KCNK13: variants seen among roughly 807,000 people sequenced by gnomAD.
KCNK13 encodes potassium two pore domain channel subfamily K member 13.
KCNK13 carries 12 observed loss-of-function variants against 23.4 expected under a neutral mutation model. The ratio of observed to expected loss-of-function variants is 0.51; its 90% CI spans 0.33 to 0.83. KCNK13 has a LOEUF of 0.83. KCNK13 is among the 40% of genes least tolerant of loss of function. The probability of loss-of-function intolerance (pLI) is 0.02; values close to 1 mark genes in which losing one functional copy is unlikely to be tolerated. For missense variants in KCNK13, 463 were observed against 556.3 expected (o/e 0.83, Z 1.69); for synonymous variants, 231 against 229.5 (o/e 1.01, Z -0.06).
At chr14:90,134,355 C>T (rs78440417) in intron 1 of KCNK13, among the ~76,000 whole-genome samples, 3 of 152,250 alleles carry the variant, frequency 2.0e-5, no homozygotes, top group Admixed American at 1.3e-4. Flanking sequence ...TTTTCTTGTA[C>T]GCAGAGGTAA....
chr14:90,088,090 C>G (rs1282676189), intron 1 of KCNK13, among the ~76,000 whole-genome samples: 2 of 152,132 alleles, frequency 1.3e-5, no homozygotes, highest in African/African-American at 4.8e-5. Flanking sequence ...GCAACCTCCA[C>G]CTCCTGGGTT....
intron 1 of KCNK13, among the ~76,000 whole-genome samples, chr14:90,078,440 A>G (rs1014525497): frequency 6.6e-6 from 1 of 151,550 alleles, no homozygotes; most frequent in Non-Finnish European, 1.5e-5. Context: ...AGAAAGAAAA[A>G]AAAGAAAGAG....
intron 1 of KCNK13, among the ~76,000 whole-genome samples, chr14:90,166,160 C>A (rs576835937): frequency 4.7e-4 from 72 of 152,304 alleles, no homozygotes; most frequent in African/African-American, 1.7e-3. Flanking sequence ...TTAATCTGTG[C>A]TACATTCATA....
chr14:90,168,524 C>T (rs1203089152), intron 1 of KCNK13, among the ~76,000 whole-genome samples: 2 of 152,124 alleles, frequency 1.3e-5, no homozygotes, highest in Admixed American at 1.3e-4. Flanking sequence ...CACTGTCTAC[C>T]CCAGTGCCAT....
At position 90,062,554 on chromosome 14, in the gene KCNK13, C is replaced by G. The variant is rs372299531; in HGVS notation, c.334+15C>G. The G allele has an allele frequency of 1.4e-6, 2 of 1,446,254 alleles. No individual in the cohort carries two copies. Among genetic ancestry groups the G allele is most frequent in the Non-Finnish European group, 9.1e-7 (1 of 1,095,110 alleles). 89.6% of individuals were successfully genotyped at this position (1,446,254 alleles called of 1,614,324 possible). On this transcript the variant is annotated intron_variant, in intron 1 of 1. Transcript: ENST00000282146. This position sits in a 1 kb window ranked among gnomAD's most constrained non-coding sequence, Gnocchi z 4.5. ...TTCCACCATAGGTAAGTGTGCTGGCCGGACTCGCTGACAACCTCCGGGCGG... is the reference window on the plus strand; with the variant it reads ...TTCCACCATAGGTAAGTGTGCTGGCGGGACTCGCTGACAACCTCCGGGCGG...
At chr14:90,097,337 A>G (rs2063843855) in intron 1 of KCNK13, among the ~76,000 whole-genome samples, 2 of 152,166 alleles carry the variant, frequency 1.3e-5, no homozygotes, top group Non-Finnish European at 2.9e-5. Context: ...GCAGACAGGC[A>G]TGAACCCCAG....
chr14:90,116,846 G>A (rs1009786876), intron 1 of KCNK13, among the ~76,000 whole-genome samples: 2 of 152,072 alleles, frequency 1.3e-5, no homozygotes, highest in African/African-American at 4.8e-5. Context: ...TTTAATTGAG[G>A]TGAAATGTGC....
chr14:90,095,795 G>A (rs997373786), intron 1 of KCNK13, among the ~76,000 whole-genome samples: 1 of 152,142 alleles, frequency 6.6e-6, no homozygotes, highest in African/African-American at 2.4e-5. Context: ...TGGAGATCGA[G>A]TCAGATCTCA....
chr14:90,117,569 G>A (rs368687768), intron 1 of KCNK13, among the ~76,000 whole-genome samples: 4 of 151,958 alleles, frequency 2.6e-5, no homozygotes, highest in African/African-American at 4.8e-5. Context: ...CAGCCTGGGC[G>A]AGACAGAGCG....
In KCNK13 at chr14:90,072,828, T is replaced by C. The variant is rs146117989; in HGVS notation, c.334+10289T>C. Among the ~76,000 whole-genome samples, 315 of 152,244 alleles carry C rather than the reference T, an allele frequency of 2.1e-3. 1 individual carries two copies. Among genetic ancestry groups the C allele is most frequent in the African/African-American group, 6.1e-3 (255 of 41,544 alleles). On this transcript the variant is annotated intron_variant, in intron 1 of 1. Coordinates refer to ENST00000282146, the MANE Select transcript of KCNK13 (RefSeq NM_022054.4). ...GAATGGTTTAACTATCCTCAAAGAG[T>C]TGGACTTGGGGTTATATGTGATTTT...
At chr14:90,145,302 A>G (rs1260247498) in intron 1 of KCNK13, among the ~76,000 whole-genome samples, 1 of 151,878 alleles carries the variant, frequency 6.6e-6, no homozygotes, top group Non-Finnish European at 1.5e-5. Flanking sequence ...CTGAGGTGGG[A>G]GGATCACCTG....
intron 1 of KCNK13, among the ~76,000 whole-genome samples, chr14:90,134,183 TCCAGC>T (rs148993041): frequency 0.099 from 15,004 of 152,154 alleles, 1,040 homozygotes; most frequent in Admixed American, 0.24. Flanking sequence ...GCCTCTGCAC[TCCAGC>T]CTGAGCAACA....
chr14:90,090,032 G>A (rs1388711070), intron 1 of KCNK13, among the ~76,000 whole-genome samples: 4 of 152,224 alleles, frequency 2.6e-5, no homozygotes, highest in Non-Finnish European at 2.9e-5. Context: ...GAAGTGTGGG[G>A]TTGTAGCCCC....
At chr14:90,163,037 A>G (rs1326578248) in intron 1 of KCNK13, among the ~76,000 whole-genome samples, 1 of 152,242 alleles carries the variant, frequency 6.6e-6, no homozygotes, top group African/African-American at 2.4e-5. Context: ...TAGGCAATGA[A>G]GCAGAAACTG....
intron 1 of KCNK13, among the ~76,000 whole-genome samples, chr14:90,117,180 T>C (rs541225796): frequency 1.3e-5 from 2 of 152,292 alleles, no homozygotes; most frequent in South Asian, 2.1e-4. Flanking sequence ...TGGTTACTCA[T>C]TGACTCAGGG....
intron 1 of KCNK13, among the ~76,000 whole-genome samples, chr14:90,181,013 C>T (rs896574671): frequency 2.6e-5 from 4 of 152,178 alleles, no homozygotes; most frequent in Admixed American, 2.0e-4. Flanking sequence ...CATGCCACCA[C>T]GCCCAGCTAA....
chr14:90,184,331 C>T lies in KCNK13; in HGVS notation c.555C>T (p.Asp185=), dbSNP rs1245009702. 9 of 1,614,122 alleles carry T rather than the reference C, an allele frequency of 5.6e-6. No homozygotes were observed. The highest frequency in any genetic ancestry group is 7.6e-6 in the Non-Finnish European group (9 of 1,180,048). ...AGGATGCGGGGCAGTGTGAGGTGGA[C>T]AGCCTGGCCGGCTGGAAGCCCTCCG... ...SLKDAGQCEV[D]SLAGWKPSVY... Residue 185 remains aspartate, a synonymous_variant, in exon 2 of 2, where the codon GAC becomes GAT. Coordinates refer to ENST00000282146, the MANE Select transcript of KCNK13 (RefSeq NM_022054.4). This position sits in a 1 kb window ranked among gnomAD's most constrained non-coding sequence, Gnocchi z 5.6.
At chr14:90,114,936 A>C (rs571142474) in intron 1 of KCNK13, among the ~76,000 whole-genome samples, 60 of 152,190 alleles carry the variant, frequency 3.9e-4, no homozygotes, top group Non-Finnish European at 5.6e-4. Flanking sequence ...GTGCAGGTTC[A>C]CCTCACTTTC....
At chr14:90,153,709 A>C (rs1278999476) in intron 1 of KCNK13, among the ~76,000 whole-genome samples, 1 of 152,224 alleles carries the variant, frequency 6.6e-6, no homozygotes, top group Non-Finnish European at 1.5e-5. Context: ...AGTACTGAAA[A>C]GGGATCATGA....
Sources: allele counts gnomAD v4.1 joint callset (sites outside exome capture counted in the v4.1 genomes callset), GRCh38; gene constraint gnomAD v4.1.1; non-coding constraint Gnocchi (gnomAD v3.1); transcripts MANE v1.5; gene names NCBI Gene and HGNC (gene_info 2026-07-23, HGNC 2026-07-21).